Variants in ROBO1 observed in about 807,000 individuals in gnomAD.
ROBO1 encodes roundabout homolog 1.
ROBO1 carries 149 observed loss-of-function variants against 195.9 expected under a neutral mutation model. The ratio of observed to expected loss-of-function variants is 0.76; its 90% CI spans 0.67 to 0.87. ROBO1 has a LOEUF of 0.87. ROBO1 is among the 40% of genes least tolerant of loss of function. ROBO1 has a pLI of 0.00. For missense variants in ROBO1, 1,933 were observed against 2,068.3 expected (o/e 0.93, Z 1.27); for synonymous variants, 816 against 733.2 (o/e 1.11, Z -1.82).
chr3:79,129,908 G>C (rs2080295301), intron 2 of ROBO1, among the ~76,000 whole-genome samples: 1 of 139,952 alleles, frequency 7.1e-6, no homozygotes, highest in African/African-American at 2.7e-5. Flanking sequence ...TGGCTAGCCA[G>C]TTTTCCCAGC....
At chr3:79,001,226 C>T (rs2077496978) in intron 3 of ROBO1, among the ~76,000 whole-genome samples, 1 of 152,050 alleles carries the variant, frequency 6.6e-6, no homozygotes, top group Admixed American at 6.6e-5. Context: ...CACCATGGCA[C>T]ATGTATACCT....
intron 28 of ROBO1, 102 bp from the exon 29 acceptor site, chr3:78,607,143 T>C: frequency 2.7e-6 from 3 of 1,120,960 alleles, no homozygotes; most frequent in Non-Finnish European, 2.5e-6. Flanking sequence ...CGAGATACTA[T>C]ATCTTAGATG....
At chr3:79,463,628 C>T (rs892299398) in intron 2 of ROBO1, among the ~76,000 whole-genome samples, 1 of 152,116 alleles carries the variant, frequency 6.6e-6, no homozygotes, top group South Asian at 2.1e-4. Flanking sequence ...TTGGAAGAAT[C>T]TGCTAACCGA....
chr3:79,500,989 G>C (rs1451661807), intron 2 of ROBO1, among the ~76,000 whole-genome samples: 3 of 151,820 alleles, frequency 2.0e-5, no homozygotes, highest in African/African-American at 7.3e-5. Context: ...CTCCACCTCA[G>C]ATGAGCCTTC....
At chr3:78,643,439 T>C (rs1559686959) in intron 21 of ROBO1, among the ~76,000 whole-genome samples, 1 of 152,034 alleles carries the variant, frequency 6.6e-6, no homozygotes, top group South Asian at 2.1e-4. Flanking sequence ...ATGGAGGGCA[T>C]AGTAGGTGGA....
chr3:79,385,607 G>T (rs1401853796), intron 2 of ROBO1, among the ~76,000 whole-genome samples: 1 of 152,040 alleles, frequency 6.6e-6, no homozygotes, highest in East Asian at 1.9e-4. Context: ...AATCAGTTGT[G>T]ACCTTAAAAC....
intron 2 of ROBO1, among the ~76,000 whole-genome samples, chr3:79,255,963 C>T (rs1415479516): frequency 1.3e-5 from 2 of 152,134 alleles, no homozygotes; most frequent in Non-Finnish European, 2.9e-5. Flanking sequence ...GAGGCTCTTT[C>T]AGGATTTAGA....
At chr3:79,045,111 G>A (rs2078565957) in intron 3 of ROBO1, among the ~76,000 whole-genome samples, 1 of 151,818 alleles carries the variant, frequency 6.6e-6, no homozygotes. Flanking sequence ...TCCTTGAAAT[G>A]AAAGAATGAT....
Position 78,714,385 on chromosome 3 carries a change from C to T in ROBO1, c.1045+12G>A, listed in dbSNP as rs1465436884. On this transcript the variant is annotated intron_variant, in intron 8 of 30. Transcript: ENST00000464233. Reference sequence around the variant, plus strand: ...CTAAAACCACCAAAACAAAGCCTTTCCCAATGCCTACCTTGAACAGTCAGA... The same window carrying T: ...CTAAAACCACCAAAACAAAGCCTTTTCCAATGCCTACCTTGAACAGTCAGA... The T allele has an allele frequency of 1.9e-6, 3 of 1,604,144 alleles. No individual in the cohort carries two copies. The highest frequency in any genetic ancestry group is 2.5e-6 in the Non-Finnish European group (3 of 1,176,714).
intron 2 of ROBO1, among the ~76,000 whole-genome samples, chr3:79,520,376 GA>G (rs1176553576): frequency 6.6e-6 from 1 of 152,122 alleles, no homozygotes; most frequent in Non-Finnish European, 1.5e-5. Context: ...CCTCATCTCA[GA>G]ATGGTAAGAA....
At chr3:79,092,582 T>G (rs1013647173) in intron 3 of ROBO1, among the ~76,000 whole-genome samples, 1 of 152,200 alleles carries the variant, frequency 6.6e-6, no homozygotes, top group African/African-American at 2.4e-5. Context: ...TGAATTTCTA[T>G]CCAACTCCAT....
At chr3:78,992,673 C>T (rs1278402089) in intron 3 of ROBO1, among the ~76,000 whole-genome samples, 3 of 152,122 alleles carry the variant, frequency 2.0e-5, no homozygotes, top group Non-Finnish European at 4.4e-5. Flanking sequence ...AAACAGAATA[C>T]AAATACCCTT....
intron 2 of ROBO1, among the ~76,000 whole-genome samples, chr3:79,136,617 G>A (rs889276018): frequency 3.3e-5 from 5 of 152,038 alleles, no homozygotes; most frequent in East Asian, 1.9e-4. Context: ...AATTAGAAAC[G>A]TAGGCAATGA....
chr3:78,719,001 C>T (rs2081978916), intron 5 of ROBO1, among the ~76,000 whole-genome samples: 1 of 152,156 alleles, frequency 6.6e-6, no homozygotes, highest in Non-Finnish European at 1.5e-5. Flanking sequence ...TTTTGAATGC[C>T]TAAATGGCTT....
In ROBO1 at chr3:78,598,738, A is replaced by T; in HGVS notation, c.*175T>A. 1 of 444,404 alleles carries T rather than the reference A, an allele frequency of 2.3e-6. No homozygotes were observed. The highest frequency in any genetic ancestry group is 4.0e-6 in the Non-Finnish European group (1 of 248,050). 27.5% of individuals were successfully genotyped at this position (444,404 alleles called of 1,614,324 possible). ...TCTTTGTAGGGTTAGGGATCAAACA[A>T]CAACAATAAAAACCCAATAAAGTTT... On this transcript the variant is annotated 3_prime_UTR_variant, in exon 31 of 31. Transcript: ENST00000464233.
intron 3 of ROBO1, 140 bp from the exon 4 acceptor site, chr3:78,939,067 T>C: frequency 1.4e-6 from 1 of 730,568 alleles, no homozygotes; most frequent in South Asian, 2.0e-5. Flanking sequence ...ACTAACAATC[T>C]TTCTGGTGTC....
At chr3:79,616,102 A>T (rs1944811295) in intron 1 of ROBO1, among the ~76,000 whole-genome samples, 1 of 152,178 alleles carries the variant, frequency 6.6e-6, no homozygotes, top group Non-Finnish European at 1.5e-5. Flanking sequence ...TCATGAGCCC[A>T]GGCACTACTT....
intron 2 of ROBO1, among the ~76,000 whole-genome samples, chr3:79,282,578 A>G (rs2031593654): frequency 1.3e-5 from 2 of 152,222 alleles, no homozygotes; most frequent in Admixed American, 1.3e-4. Context: ...GAACCTGTGG[A>G]ACAAGGGAGA....
intron 3 of ROBO1, chr3:79,019,339 G>A: frequency 1.0e-6 from 1 of 985,752 alleles, no homozygotes. Context: ...GGGTGGCAGA[G>A]AAGGGCAGAG....
Sources: gnomAD v4.1 joint callset for allele counts (sites outside exome capture counted in the v4.1 genomes callset) on GRCh38, gnomAD v4.1.1 for gene constraint, MANE v1.5 for transcripts, NCBI Gene and HGNC (gene_info 2026-07-23, HGNC 2026-07-21) for gene names.